FGF14: variants seen among roughly 807,000 people sequenced by gnomAD.
The protein encoded by FGF14 is fibroblast growth factor 14, also known as fibroblast growth factor homologous factor 4.
FGF14 carries 5 observed loss-of-function variants against 25.5 expected under a neutral mutation model. That is an observed-to-expected ratio of 0.20 (90% CI 0.10 to 0.41). The LOEUF (loss-of-function observed/expected upper bound fraction) is 0.41, where lower values mean the gene tolerates loss of function less well. Ranked by LOEUF, FGF14 falls within the 10% of genes least tolerant of loss-of-function variation. The probability of loss-of-function intolerance (pLI) is 1.00; values close to 1 mark genes in which losing one functional copy is unlikely to be tolerated. For missense variants in FGF14, 222 were observed against 320.1 expected (o/e 0.69, Z 2.34); for synonymous variants, 138 against 118.3 (o/e 1.17, Z -1.08).
At chr13:102,188,285 A>T (rs922140008) in intron 1 of FGF14, among the ~76,000 whole-genome samples, 4 of 152,222 alleles carry the variant, frequency 2.6e-5, no homozygotes, top group African/African-American at 9.6e-5. Context: ...AGACTGGGAA[A>T]AAAACAATTT....
chr13:101,925,490 T>TTAAA (rs2034302504), intron 1 of FGF14, among the ~76,000 whole-genome samples: 1 of 152,200 alleles, frequency 6.6e-6, no homozygotes, highest in Admixed American at 6.5e-5. Context: ...GAAAGTCTAG[T>TTAAA]TAAATACCGG....
intron 1 of FGF14, among the ~76,000 whole-genome samples, chr13:102,181,121 C>T (rs899407110): frequency 7.9e-5 from 12 of 152,064 alleles, no homozygotes; most frequent in Non-Finnish European, 1.8e-4. Flanking sequence ...TCCAGATTTG[C>T]AATCAGTTTG....
At chr13:101,785,404 A>G (rs958706727) in intron 3 of FGF14, among the ~76,000 whole-genome samples, 2 of 150,466 alleles carry the variant, frequency 1.3e-5, no homozygotes, top group African/African-American at 4.9e-5. Context: ...AGAAAACAAT[A>G]TTATTTTCTA....
intron 1 of FGF14, among the ~76,000 whole-genome samples, chr13:101,896,244 G>A (rs1393994916): frequency 6.6e-6 from 1 of 151,950 alleles, no homozygotes; most frequent in Non-Finnish European, 1.5e-5. Flanking sequence ...TAAATATCTT[G>A]CCTTTTTCTT....
intron 1 of FGF14, among the ~76,000 whole-genome samples, chr13:102,374,813 A>C (rs2057999516): frequency 6.6e-6 from 1 of 151,002 alleles, no homozygotes; most frequent in African/African-American, 2.4e-5. Flanking sequence ...GGGCTAAAGT[A>C]AATTTTTAAG....
intron 3 of FGF14, among the ~76,000 whole-genome samples, chr13:101,826,066 G>T (rs1229880385): frequency 6.6e-6 from 1 of 152,062 alleles, no homozygotes; most frequent in Non-Finnish European, 1.5e-5. Context: ...ATGCATATCT[G>T]TGTAACTTTT....
chr13:102,072,155 G>A (rs1233954749), intron 1 of FGF14, among the ~76,000 whole-genome samples: 1 of 152,146 alleles, frequency 6.6e-6, no homozygotes, highest in African/African-American at 2.4e-5. Flanking sequence ...AAAAGGCAAT[G>A]TATAAAGGCA....
At chr13:101,778,471 C>A (rs1232678156) in intron 3 of FGF14, among the ~76,000 whole-genome samples, 1 of 152,192 alleles carries the variant, frequency 6.6e-6, no homozygotes, top group African/African-American at 2.4e-5. Context: ...CACACCATTC[C>A]TGCAGGCAGC....
intron 1 of FGF14, among the ~76,000 whole-genome samples, chr13:102,306,303 T>C (rs1304153706): frequency 6.6e-6 from 1 of 152,192 alleles, no homozygotes; most frequent in African/African-American, 2.4e-5. Flanking sequence ...ACAAAGAAGA[T>C]GAAGAGCCAT....
chr13:101,738,009 A>G lies in FGF14; in HGVS notation c.409-11199T>C, dbSNP rs1405942378. Among the ~76,000 whole-genome samples the G allele has an allele frequency of 2.0e-5, 3 of 152,152 alleles. No individual in the cohort carries two copies. The East Asian group carries it at 5.8e-4, about 29-fold the overall frequency. On this transcript the variant is annotated intron_variant, in intron 3 of 4. Coordinates refer to ENST00000376143, the MANE Select transcript of FGF14 (RefSeq NM_004115.4). ...GGAGGAAATATAAGCAGGTTCTACA[A>G]TTCTCCTAAAAGACCATATTCTTCA...
intron 1 of FGF14, among the ~76,000 whole-genome samples, chr13:102,161,817 C>T (rs1360718129): frequency 6.7e-6 from 1 of 148,994 alleles, no homozygotes; most frequent in East Asian, 2.0e-4. Flanking sequence ...TATAGTGCGC[C>T]TAGAAGATAA....
At chr13:101,774,412 C>G (rs1029973890) in intron 3 of FGF14, among the ~76,000 whole-genome samples, 4 of 152,142 alleles carry the variant, frequency 2.6e-5, no homozygotes, top group African/African-American at 9.7e-5. Context: ...CTAGAGCAGC[C>G]TTGGTGCTAG....
chr13:102,188,526 G>C (rs886100934), intron 1 of FGF14, among the ~76,000 whole-genome samples: 4 of 152,152 alleles, frequency 2.6e-5, no homozygotes, highest in Admixed American at 1.3e-4. Flanking sequence ...TCTTGTTTTT[G>C]TTTTGAGAAT....
At chr13:101,826,676 A>G (rs2042406792) in intron 3 of FGF14, among the ~76,000 whole-genome samples, 1 of 152,062 alleles carries the variant, frequency 6.6e-6, no homozygotes, top group Non-Finnish European at 1.5e-5. Context: ...GGTGTACATA[A>G]TTTGATGCCA....
chr13:101,905,076 C>T (rs770263692), intron 1 of FGF14, among the ~76,000 whole-genome samples: 1 of 152,154 alleles, frequency 6.6e-6, no homozygotes, highest in African/African-American at 2.4e-5. Context: ...CTCTGCTGTC[C>T]TGTATAACTT....
intron 1 of FGF14, among the ~76,000 whole-genome samples, chr13:101,878,603 T>C (rs2045529240): frequency 6.6e-6 from 1 of 152,138 alleles, no homozygotes; most frequent in Non-Finnish European, 1.5e-5. Context: ...ATAACAAAGA[T>C]GAGATTTTTC....
At position 101,714,461 on chromosome 13, in the gene FGF14, A is replaced by G. The variant is rs1417126348; in HGVS notation, c.*8370T>C. 7 of 1,610,134 alleles carry G rather than the reference A, an allele frequency of 4.3e-6. No individual in the cohort carries two copies. Among genetic ancestry groups the G allele is most frequent in the Admixed American group, 3.3e-5 (2 of 59,978 alleles). On this transcript the variant is annotated 3_prime_UTR_variant, in exon 5 of 5. Coordinates refer to ENST00000376143, the MANE Select transcript of FGF14 (RefSeq NM_004115.4). ...AGGTTCTTGTCATTGTGGGAAGTGC[A>G]TTTGTTCTGCTGAAGAGTGGTATAT...
At chr13:102,298,108 A>G (rs2054824914) in intron 1 of FGF14, among the ~76,000 whole-genome samples, 1 of 152,128 alleles carries the variant, frequency 6.6e-6, no homozygotes, top group Non-Finnish European at 1.5e-5. Context: ...AACCCGGTAG[A>G]GGCAAATGTC....
intron 1 of FGF14, among the ~76,000 whole-genome samples, chr13:102,236,107 C>T (rs2183290): frequency 1.3e-5 from 2 of 152,044 alleles, no homozygotes; most frequent in Non-Finnish European, 2.9e-5. Flanking sequence ...TTGTCTTATA[C>T]GTAAACAAGC....
Sources: allele counts gnomAD v4.1 joint callset (sites outside exome capture counted in the v4.1 genomes callset), GRCh38; gene constraint gnomAD v4.1.1; transcripts MANE v1.5; gene names NCBI Gene and HGNC (gene_info 2026-07-23, HGNC 2026-07-21).